The following RAB23 variants were observed in gnomAD, a reference collection of about 807,000 sequenced individuals.
RAB23 encodes the protein RAB23, member RAS oncogene family, also known as ras-related protein Rab-23.
Under a neutral mutation model 30.0 loss-of-function variants are expected in RAB23, and 15 were observed. The observed-to-expected ratio is 0.50, with a 90% CI of 0.33 to 0.77. RAB23 has a LOEUF of 0.77. Among genes scored for constraint, RAB23 ranks in the 30% least tolerant of loss-of-function variants. RAB23 has a pLI of 0.02. For synonymous variants in RAB23, 93 were observed against 94.0 expected (o/e 0.99, Z 0.06); for missense variants, 243 against 275.4 (o/e 0.88, Z 0.83).
intron 3 of RAB23, among the ~76,000 whole-genome samples, chr6:57,206,240 A>G (rs942940375): frequency 8.5e-5 from 13 of 152,172 alleles, no homozygotes; most frequent in Admixed American, 8.5e-4. Flanking sequence ...AAGCTGAAGA[A>G]GGAAAGAAGT....
intron 2 of RAB23, among the ~76,000 whole-genome samples, chr6:57,209,792 T>A (rs1765581808): frequency 6.6e-6 from 1 of 152,180 alleles, no homozygotes; most frequent in South Asian, 2.1e-4. Context: ...TTCTTTAGAG[T>A]AAAGCAAACT....
rs1307079551 is a variant in RAB23, at chr6:57,189,144, C to T, written c.*1317G>A. The T allele has an allele frequency of 1.3e-5, 2 of 152,040 alleles. No individual in the cohort carries two copies. Among genetic ancestry groups the T allele is most frequent in the African/African-American group, 4.8e-5 (2 of 41,388 alleles). The allele number at this position is 152,040 out of a possible 1,614,324, so 9.4% of individuals were successfully genotyped here. A position where few individuals can be genotyped will look rare whatever the true frequency, so the allele number is the denominator to read the frequency against. On this transcript the variant is annotated 3_prime_UTR_variant, in exon 7 of 7. Transcript: ENST00000468148. ...TTATCTTAGCTGGAAAGCTACTGTCCCAAGTGACAAAATTTATGTCCTGAC... is the reference window on the plus strand; with the variant it reads ...TTATCTTAGCTGGAAAGCTACTGTCTCAAGTGACAAAATTTATGTCCTGAC...
chr6:57,199,117 C>T (rs764439626), intron 3 of RAB23, among the ~76,000 whole-genome samples: 5 of 152,208 alleles, frequency 3.3e-5, no homozygotes, highest in Non-Finnish European at 5.9e-5. Flanking sequence ...ATGCATGTCC[C>T]CTCAACCGGG....
chr6:57,221,084 G>A (rs1562663989), intron 1 of RAB23, among the ~76,000 whole-genome samples: 1 of 151,936 alleles, frequency 6.6e-6, no homozygotes, highest in Non-Finnish European at 1.5e-5. Flanking sequence ...TTGCTAATGC[G>A]GTCTAATAAA....
intron 5 of RAB23, 61 bp from the exon 6 acceptor site, chr6:57,193,995 T>G (rs1292560786): frequency 1.3e-6 from 2 of 1,562,430 alleles, no homozygotes; most frequent in Non-Finnish European, 1.7e-6. Context: ...AATCTGTTAT[T>G]TCACATCATT....
In RAB23 at chr6:57,200,191, A is replaced by AT. The variant is rs750447866; in HGVS notation, c.242-3586dup. ...CTGAACTCCCTCAAGCACTTCAAGAATTTTTTTTTTTTTTTTTAATATGAG... is the reference window on the plus strand; with the variant it reads ...CTGAACTCCCTCAAGCACTTCAAGAATTTTTTTTTTTTTTTTTTAATATGAG... On this transcript the variant is annotated intron_variant, in intron 3 of 6. Transcript: ENST00000468148. Among the ~76,000 whole-genome samples the AT allele has an allele frequency of 6.5e-3, 929 of 143,110 alleles. 7 individuals carry two copies. The highest frequency in any genetic ancestry group is 0.036 in the East Asian group (175 of 4,914). 93.9% of individuals were successfully genotyped at this position (143,110 alleles called of 152,430 possible). A position where few individuals can be genotyped will look rare whatever the true frequency, so the allele number is the denominator to read the frequency against.
At chr6:57,204,979 CAT>C (rs1765399357) in intron 3 of RAB23, among the ~76,000 whole-genome samples, 3 of 151,468 alleles carry the variant, frequency 2.0e-5, no homozygotes, top group South Asian at 2.1e-4. Context: ...CATACACATA[CAT>C]ATGTGTACAT....
chr6:57,211,507 T>G (rs1172913652), intron 1 of RAB23, among the ~76,000 whole-genome samples: 1 of 152,010 alleles, frequency 6.6e-6, no homozygotes, highest in East Asian at 1.9e-4. Flanking sequence ...TCCTCCATAG[T>G]GTATCACCAA....
rs1764669707 is a variant in RAB23 at position 57,187,913 on chromosome 6, T to C, written c.*2548A>G. 1.3e-5 allele frequency: 2 copies of C among 152,200 alleles called. No homozygotes were observed. The highest frequency in any genetic ancestry group is 2.9e-5 in the Non-Finnish European group (2 of 68,036). 9.4% of individuals were successfully genotyped at this position (152,200 alleles called of 1,614,324 possible). On this transcript the variant is annotated 3_prime_UTR_variant, in exon 7 of 7. Transcript: ENST00000468148. ...CTTTGGGCAGATACAAAGGAAATCA[T>C]TTAACCTGGTTTTATTTAACTATAT...
Position 57,200,215 on chromosome 6 carries a change from A to C in RAB23, c.242-3609T>G, listed in dbSNP as rs555716828. ...AATTTTTTTTTTTTTTTTTAATATG[A>C]GATGGGGGTTGGAAAGGAAAAGGAT... is the stretch of plus-strand genomic sequence containing the variant. On this transcript the variant is annotated intron_variant, in intron 3 of 6. Coordinates refer to ENST00000468148, the MANE Select transcript of RAB23 (RefSeq NM_016277.5). Among the ~76,000 whole-genome samples, 24 of 149,132 alleles carry C rather than the reference A, an allele frequency of 1.6e-4. No individual in the cohort carries two copies. The East Asian group carries it at 4.5e-3, about 28-fold the overall frequency.
chr6:57,209,422 A>G (rs980046680), intron 2 of RAB23, among the ~76,000 whole-genome samples: 4 of 152,238 alleles, frequency 2.6e-5, no homozygotes, highest in Non-Finnish European at 4.4e-5. Context: ...TCAAGACTTA[A>G]CATGCTTGCT....
At chr6:57,217,479 T>C (rs1278880900) in intron 1 of RAB23, among the ~76,000 whole-genome samples, 6 of 152,074 alleles carry the variant, frequency 3.9e-5, no homozygotes, top group Non-Finnish European at 7.3e-5. Flanking sequence ...GGGCTAATTT[T>C]TGTATTTTTA....
At chr6:57,194,874 A>T in intron 4 of RAB23, 22 bp from the exon 5 acceptor site, 1 of 1,593,466 alleles carries the variant, frequency 6.3e-7, no homozygotes, top group Non-Finnish European at 8.6e-7. Context: ...TTTAAAAAAA[A>T]ATGCTTTACA....
In RAB23 at chr6:57,210,215, C is replaced by T; in HGVS notation, c.155+11G>A. The T allele has an allele frequency of 1.9e-6, 3 of 1,612,448 alleles. No individual in the cohort carries two copies. The highest frequency in any genetic ancestry group is 2.2e-5 in the East Asian group (1 of 44,872). On this transcript the variant is annotated intron_variant, in intron 2 of 6. Coordinates refer to ENST00000468148, the MANE Select transcript of RAB23 (RefSeq NM_016277.5). ...ATCAAAGCCAAAGGAATAAAATGGC[C>T]AAGTACTTACTGAATTTGTCGCTCC...
chr6:57,210,242 A>G lies in RAB23; in HGVS notation c.139T>C (p.Leu47=). Residue 47 remains leucine (L), a synonymous_variant, in exon 2 of 7, where the codon TTG becomes CTG. Coordinates refer to ENST00000468148, the MANE Select transcript of RAB23 (RefSeq NM_016277.5). The part of the protein sequence containing the change: ...DYKKTIGVDF[L]ERQIQVNDED... The stretch of plus-strand genomic sequence containing the variant: ...AGTACTTACTGAATTTGTCGCTCCA[A>G]AAAATCAACTCCAATGGTTTTCTTG... 6.2e-7 allele frequency: 1 copy of G among 1,614,106 alleles called. No homozygotes were observed. Among genetic ancestry groups the G allele is most frequent in the Non-Finnish European group, 8.5e-7 (1 of 1,179,962 alleles).
intron 3 of RAB23, among the ~76,000 whole-genome samples, chr6:57,206,531 G>A (rs1765461202): frequency 6.6e-6 from 1 of 152,158 alleles, no homozygotes; most frequent in Non-Finnish European, 1.5e-5. Flanking sequence ...CAGAAAGGAG[G>A]CATAAAGGAA....
chr6:57,200,536 C>CA (rs989178921), intron 3 of RAB23, among the ~76,000 whole-genome samples: 3,981 of 41,358 alleles, frequency 0.096, 241 homozygotes, highest in African/African-American at 0.16. Context: ...GACTCTGTCT[C>CA]AAAAAAAAAA....
rs1187803498 is a variant in RAB23, at chr6:57,187,630, T to C, written c.*2831A>G. On this transcript the variant is annotated 3_prime_UTR_variant, in exon 7 of 7. Transcript: ENST00000468148. ...TATGCTAATAATTAACAATATCTTA[T>C]ATTAAAAGGGTCCAACACTAAGTTG... The C allele has an allele frequency of 1.3e-5, 2 of 152,180 alleles. No individual in the cohort carries two copies. Among genetic ancestry groups the C allele is most frequent in the Non-Finnish European group, 2.9e-5 (2 of 68,012 alleles). The allele number at this position is 152,180 out of a possible 1,614,324, so 9.4% of individuals were successfully genotyped here. A position where few individuals can be genotyped will look rare whatever the true frequency, so the allele number is the denominator to read the frequency against.
chr6:57,195,572 A>C (rs865923649), intron 4 of RAB23, among the ~76,000 whole-genome samples: 5 of 152,346 alleles, frequency 3.3e-5, no homozygotes, highest in Middle Eastern at 3.4e-3. Context: ...ACTGGGTCAT[A>C]AGAAACACTG....
Sources: gnomAD v4.1 joint callset for allele counts (sites outside exome capture counted in the v4.1 genomes callset) on GRCh38, gnomAD v4.1.1 for gene constraint, MANE v1.5 for transcripts, NCBI Gene and HGNC (gene_info 2026-07-23, HGNC 2026-07-21) for gene names.